The following CHD2 variants were observed in gnomAD, a reference collection of about 807,000 sequenced individuals.
CHD2 encodes the protein ATP-dependent chromatin remodeler CHD2.
Under a neutral mutation model 243.9 loss-of-function variants are expected in CHD2, and 28 were observed. That is an observed-to-expected ratio of 0.11 (90% CI 0.09 to 0.16). The LOEUF (loss-of-function observed/expected upper bound fraction) is 0.16, where lower values mean the gene tolerates loss of function less well. Ranked by LOEUF, CHD2 falls within the 10% of genes least tolerant of loss-of-function variation. CHD2 has a pLI of 1.00. For synonymous variants in CHD2, 775 were observed against 779.0 expected (o/e 0.99, Z 0.09); for missense variants, 1,386 against 2,209.8 (o/e 0.63, Z 7.47).
chr15:93,005,131 A>AT (rs1054345622), intron 34 of CHD2, among the ~76,000 whole-genome samples: 1 of 152,180 alleles, frequency 6.6e-6, no homozygotes, highest in Non-Finnish European at 1.5e-5. Flanking sequence ...TAAACTGTAC[A>AT]TTGGAGTAGG....
At position 92,997,669 on chromosome 15, in the gene CHD2, C is replaced by T; in HGVS notation, c.3885+266C>T. On this transcript the variant is annotated intron_variant, in intron 30 of 38. Transcript: ENST00000394196. The surrounding 1 kb of genome is among the most constrained non-coding windows in gnomAD (Gnocchi z 4.1). ...TTTAATTATAGGTCAGATTTCATTA[C>T]AATAAATACCCAGGTGAGTTTGTTA... 1 of 268,996 alleles carries T rather than the reference C, an allele frequency of 3.7e-6. No homozygotes were observed. The highest frequency in any genetic ancestry group is 6.9e-6 in the Non-Finnish European group (1 of 144,184). 16.7% of individuals were successfully genotyped at this position (268,996 alleles called of 1,614,324 possible). A position where few individuals can be genotyped will look rare whatever the true frequency, so the allele number is the denominator to read the frequency against.
intron 36 of CHD2, among the ~76,000 whole-genome samples, chr15:93,013,958 A>G (rs1246764397): frequency 9.1e-6 from 1 of 109,586 alleles, no homozygotes; most frequent in Non-Finnish European, 2.1e-5. Context: ...AAAAAAAAAT[A>G]CAGAAAACAA....
chr15:93,023,391 C>T (rs2054555906), intron 38 of CHD2, among the ~76,000 whole-genome samples: 1 of 152,192 alleles, frequency 6.6e-6, no homozygotes, highest in African/African-American at 2.4e-5. Context: ...TGGATATATA[C>T]CACATTTTGT....
intron 21 of CHD2, 58 bp from the exon 22 acceptor site, chr15:92,979,077 T>G: frequency 1.9e-6 from 3 of 1,582,420 alleles, no homozygotes; most frequent in Non-Finnish European, 2.6e-6. Flanking sequence ...CTTCTCTCTT[T>G]TTTTGGGGGG....
intron 5 of CHD2, among the ~76,000 whole-genome samples, chr15:92,930,395 G>T (rs1038612346): frequency 6.6e-6 from 1 of 151,942 alleles, no homozygotes; most frequent in Admixed American, 6.6e-5. Context: ...AATACATTGC[G>T]CTTACTCTGG....
At chr15:92,913,233 TTTCTG>T (rs1434417753) in intron 2 of CHD2, among the ~76,000 whole-genome samples, 1 of 152,182 alleles carries the variant, frequency 6.6e-6, no homozygotes, top group African/African-American at 2.4e-5. Flanking sequence ...GTTTCGATCT[TTTCTG>T]TTCTGTTCTG....
At position 92,980,037 on chromosome 15, in the gene CHD2, TTTTG is replaced by T. The variant is rs55822413; in HGVS notation, c.2877-758_2877-755del. On this transcript the variant is annotated intron_variant, in intron 22 of 38. Coordinates refer to ENST00000394196, the MANE Select transcript of CHD2 (RefSeq NM_001271.4). ...TCTGTGGTGGTGTTTCAGCTATGTT[TTTTG>T]TTTGTTTGTTTGTTTGTTTTTGAGA... 9.1e-4 allele frequency among the ~76,000 whole-genome samples: 137 copies of T among 150,132 alleles called. No individual in the cohort carries two copies. The Middle Eastern group carries it at 0.01, about 11-fold the overall frequency.
chr15:92,950,121 T>C (rs77416418), intron 13 of CHD2, among the ~76,000 whole-genome samples: 12,805 of 152,232 alleles, frequency 0.084, 579 homozygotes, highest in Middle Eastern at 0.22. Context: ...CGTTCGGACA[T>C]GTCTGAGCAG....
At chr15:92,955,351 C>G (rs984089724) in intron 14 of CHD2, 72 bp from the exon 15 acceptor site, 5 of 834,260 alleles carry the variant, frequency 6.0e-6, no homozygotes, top group Non-Finnish European at 9.0e-6. Context: ...TCTATTACAT[C>G]AATCACAAAA....
chr15:92,986,851 C>T (rs1204996604), intron 26 of CHD2, among the ~76,000 whole-genome samples: 2 of 152,182 alleles, frequency 1.3e-5, no homozygotes, highest in East Asian at 3.9e-4. Context: ...TTTCACTCAG[C>T]CTCCCAGGTA....
chr15:93,021,691 G>T (rs1266732563), intron 38 of CHD2: 2 of 152,168 alleles, frequency 1.3e-5, no homozygotes. Context: ...AGTTCTAAAA[G>T]TTCGGAAAGT....
intron 2 of CHD2, chr15:92,904,777 C>G (rs2052588417): frequency 1.4e-6 from 2 of 1,402,770 alleles, no homozygotes; most frequent in South Asian, 1.6e-5. Context: ...TCCCTTCTCC[C>G]CGCCCCCGTT....
intron 5 of CHD2, among the ~76,000 whole-genome samples, chr15:92,932,727 C>T (rs983870989): frequency 1.4e-4 from 21 of 152,040 alleles, no homozygotes; most frequent in African/African-American, 3.4e-4. Context: ...TGCAGAATTA[C>T]GAAGAGACCA....
chr15:92,944,305 A>AC (rs2053428748), intron 9 of CHD2, 110 bp from the exon 10 acceptor site: 1 of 552,634 alleles, frequency 1.8e-6, no homozygotes, highest in African/African-American at 1.9e-5. Context: ...CTTAAGGGGC[A>AC]GATGGGAGTA....
intron 2 of CHD2, among the ~76,000 whole-genome samples, chr15:92,907,856 G>C (rs909618163): frequency 2.0e-5 from 3 of 152,094 alleles, no homozygotes; most frequent in Non-Finnish European, 2.9e-5. Context: ...CAGGAGCTAG[G>C]TTGGCCCTGA....
At chr15:92,951,463 G>T (rs2053553607) in intron 13 of CHD2, among the ~76,000 whole-genome samples, 1 of 152,062 alleles carries the variant, frequency 6.6e-6, no homozygotes, top group African/African-American at 2.4e-5. Flanking sequence ...GAGCCACCGT[G>T]CCTGGCCAGC....
chr15:93,019,519 A>G (rs1352677081), intron 37 of CHD2, among the ~76,000 whole-genome samples: 1 of 152,238 alleles, frequency 6.6e-6, no homozygotes, highest in Non-Finnish European at 1.5e-5. Context: ...AAGAAATTTA[A>G]TGTCTGTTTG....
chr15:93,007,487 T>C, intron 34 of CHD2, among the ~76,000 whole-genome samples: 1 of 152,230 alleles, frequency 6.6e-6, no homozygotes, highest in East Asian at 1.9e-4. Context: ...TTATGTCCTT[T>C]TTAAAAATTG....
chr15:92,940,148 AT>A (rs2053335513), intron 7 of CHD2, among the ~76,000 whole-genome samples: 4 of 152,206 alleles, frequency 2.6e-5, no homozygotes, highest in Non-Finnish European at 5.9e-5. Flanking sequence ...TGAAGCATTA[AT>A]AGGAATTATC....
Sources: gnomAD v4.1 joint callset for allele counts (sites outside exome capture counted in the v4.1 genomes callset) on GRCh38, gnomAD v4.1.1 for gene constraint, Gnocchi (gnomAD v3.1) non-coding constraint, MANE v1.5 for transcripts, NCBI Gene and HGNC (gene_info 2026-07-23, HGNC 2026-07-21) for gene names.